The following LINGO2 variants were observed in gnomAD, a reference collection of about 807,000 sequenced individuals.
The protein encoded by LINGO2 is leucine rich repeat and Ig domain containing 2.
LINGO2 carries 14 observed loss-of-function variants against 30.6 expected under a neutral mutation model. The observed-to-expected ratio is 0.46, with a 90% confidence interval of 0.30 to 0.72. The LOEUF (loss-of-function observed/expected upper bound fraction) is 0.72, where lower values mean the gene tolerates loss of function less well. Ranked by LOEUF, LINGO2 falls within the 30% of genes least tolerant of loss-of-function variation. The pLI is 0.07. For synonymous variants in LINGO2, 317 were observed against 288.5 expected, an observed-to-expected ratio of 1.10 and a Z score of -1.00; for missense variants, 729 against 751.7, an observed-to-expected ratio of 0.97 and a Z score of 0.35.
At chr9:28,976,277 A>T in the LINGO2 span, among the ~76,000 whole-genome samples, 1 of 152,124 alleles carries the variant, frequency 6.6e-6, no homozygotes, top group Non-Finnish European at 1.5e-5. Flanking sequence ...TAAAGTAACA[A>T]CATAGAACCC....
the LINGO2 span, among the ~76,000 whole-genome samples, chr9:29,096,617 T>G: frequency 7.1e-6 from 1 of 140,494 alleles, no homozygotes; most frequent in Non-Finnish European, 1.6e-5. Context: ...ATTTCCTAAA[T>G]AGAGATTTGT....
At chr9:28,588,417 A>G (rs970115077) in intron 1 of LINGO2, among the ~76,000 whole-genome samples, 2 of 151,962 alleles carry the variant, frequency 1.3e-5, no homozygotes, top group Non-Finnish European at 2.9e-5. Flanking sequence ...ACAATGGTGT[A>G]AAATAGGGGA....
chr9:28,554,164 T>A (rs1822495144), intron 1 of LINGO2, among the ~76,000 whole-genome samples: 1 of 151,482 alleles, frequency 6.6e-6, no homozygotes. Context: ...ACTTTAAACG[T>A]AAATGGACTA....
the LINGO2 span, among the ~76,000 whole-genome samples, chr9:28,714,942 A>T: frequency 1.3e-5 from 2 of 152,182 alleles, no homozygotes; most frequent in African/African-American, 2.4e-5. Context: ...TATTTACAAA[A>T]GAGTGAATTT....
chr9:28,384,046 A>G (rs1821467548), intron 2 of LINGO2, among the ~76,000 whole-genome samples: 1 of 152,072 alleles, frequency 6.6e-6, no homozygotes, highest in South Asian at 2.1e-4. Flanking sequence ...TACACAATAC[A>G]ACATATGTGA....
At chr9:28,522,795 G>A (rs914413256) in intron 1 of LINGO2, among the ~76,000 whole-genome samples, 2 of 151,870 alleles carry the variant, frequency 1.3e-5, no homozygotes, top group African/African-American at 2.4e-5. Flanking sequence ...TATAAATGAA[G>A]TACATAGAAC....
chr9:28,027,321 T>G (rs1026997808), intron 4 of LINGO2, among the ~76,000 whole-genome samples: 4 of 152,134 alleles, frequency 2.6e-5, no homozygotes, highest in African/African-American at 4.8e-5. Context: ...AAGTGGTGGT[T>G]CAAGCATGCA....
chr9:29,188,434 A>G, the LINGO2 span, among the ~76,000 whole-genome samples: 1 of 152,208 alleles, frequency 6.6e-6, no homozygotes, highest in African/African-American at 2.4e-5. Context: ...ACACAGACAC[A>G]GCAACCATCC....
At chr9:28,230,550 T>A (rs902409068) in intron 4 of LINGO2, among the ~76,000 whole-genome samples, 3 of 151,886 alleles carry the variant, frequency 2.0e-5, no homozygotes, top group Admixed American at 6.6e-5. Context: ...CAGTTATTAA[T>A]ATTATGTTTT....
At chr9:28,546,253 T>A (rs191930864) in intron 1 of LINGO2, among the ~76,000 whole-genome samples, 7 of 152,120 alleles carry the variant, frequency 4.6e-5, no homozygotes, top group African/African-American at 1.7e-4. Context: ...ATCATAAGGA[T>A]CATAGCTGAC....
At chr9:28,344,688 G>A (rs10968524) in intron 3 of LINGO2, among the ~76,000 whole-genome samples, 4,615 of 151,696 alleles carry the variant, frequency 0.03, 158 homozygotes, top group East Asian at 0.12. Flanking sequence ...ATAAATAAGC[G>A]GCACTAGTAA....
At chr9:28,669,111 A>G (rs1180857349) in intron 1 of LINGO2, among the ~76,000 whole-genome samples, 4 of 152,060 alleles carry the variant, frequency 2.6e-5, no homozygotes, top group Non-Finnish European at 5.9e-5. Flanking sequence ...ATTTCTGCAT[A>G]TGAAGAATAC....
chr9:28,359,875 A>G (rs1820372520), intron 3 of LINGO2, among the ~76,000 whole-genome samples: 1 of 152,190 alleles, frequency 6.6e-6, no homozygotes, highest in Non-Finnish European at 1.5e-5. Context: ...AAATCAGTCC[A>G]TAAGCACCAG....
At chr9:28,290,925 C>A (rs1023052362) in intron 4 of LINGO2, among the ~76,000 whole-genome samples, 1 of 152,076 alleles carries the variant, frequency 6.6e-6, no homozygotes, top group Non-Finnish European at 1.5e-5. Context: ...ACTCTCCCAC[C>A]CCAACCCCAG....
At chr9:28,702,449 C>G in the LINGO2 span, among the ~76,000 whole-genome samples, 1 of 151,616 alleles carries the variant, frequency 6.6e-6, no homozygotes, top group Non-Finnish European at 1.5e-5. Context: ...AATCTATTAC[C>G]TGGAATAAAT....
the LINGO2 span, among the ~76,000 whole-genome samples, chr9:29,146,595 T>C: frequency 2.6e-5 from 4 of 152,204 alleles, no homozygotes; most frequent in Non-Finnish European, 4.4e-5. Flanking sequence ...AAGAAACTAC[T>C]GAGTTTTTAA....
the LINGO2 span, among the ~76,000 whole-genome samples, chr9:29,142,900 A>G: frequency 6.6e-5 from 10 of 152,152 alleles, no homozygotes; most frequent in East Asian, 1.9e-3. Flanking sequence ...AGAAAATTCT[A>G]AAGATTACAT....
chr9:29,092,305 CCAAGGACAACA>C, the LINGO2 span, among the ~76,000 whole-genome samples: 1 of 151,856 alleles, frequency 6.6e-6, no homozygotes, highest in Non-Finnish European at 1.5e-5. Context: ...CTGTTGTGTT[CCAAGGACAACA>C]CAATCAATTA....
At chr9:28,988,410 T>C in the LINGO2 span, among the ~76,000 whole-genome samples, 1 of 152,156 alleles carries the variant, frequency 6.6e-6, no homozygotes, top group African/African-American at 2.4e-5. Context: ...GCTTTCAGTC[T>C]ATGTGTGTCC....
Sources: allele counts gnomAD v4.1 joint callset (sites outside exome capture counted in the v4.1 genomes callset), GRCh38; gene constraint gnomAD v4.1.1; transcripts MANE v1.5; gene names NCBI Gene and HGNC (gene_info 2026-07-23, HGNC 2026-07-21).